Variants in GALNT17 observed in about 807,000 individuals in gnomAD.
GALNT17 encodes the protein polypeptide N-acetylgalactosaminyltransferase 17.
GALNT17 carries 29 observed loss-of-function variants against 63.7 expected under a neutral mutation model. The ratio of observed to expected loss-of-function variants is 0.46; its 90% CI spans 0.34 to 0.62. GALNT17 has a LOEUF of 0.62. Ranked by LOEUF, GALNT17 falls within the 20% of genes least tolerant of loss-of-function variation. The pLI, the probability that GALNT17 is intolerant of heterozygous loss-of-function variation, is 0.01. For missense variants in GALNT17, 603 were observed against 799.6 expected (o/e 0.75, Z 2.97); for synonymous variants, 305 against 318.3 (o/e 0.96, Z 0.45).
At chr7:71,498,651 A>G (rs1171047400) in intron 5 of GALNT17, among the ~76,000 whole-genome samples, 3 of 152,146 alleles carry the variant, frequency 2.0e-5, no homozygotes, top group Admixed American at 6.6e-5. Flanking sequence ...GAGGAGATGA[A>G]CATTTGCCCA....
Position 71,199,717 on chromosome 7 carries a change from G to A in GALNT17, c.238+66677G>A, listed in dbSNP as rs183177381. ...TCCATCCATCCATCCATCCATGTATGTGTCCACCCACCCACCCATGCACTT... is the reference window on the plus strand; with the variant it reads ...TCCATCCATCCATCCATCCATGTATATGTCCACCCACCCACCCATGCACTT... On this transcript the variant is annotated intron_variant, in intron 1 of 10. Transcript: ENST00000333538. 3.2e-4 allele frequency among the ~76,000 whole-genome samples: 41 copies of A among 130,118 alleles called. No individual in the cohort carries two copies. The East Asian group carries it at 9.4e-3, about 30-fold the overall frequency. 85.4% of individuals were successfully genotyped at this position (130,118 alleles called of 152,430 possible). A position where few individuals can be genotyped will look rare whatever the true frequency, so the allele number is the denominator to read the frequency against.
At chr7:71,326,640 AT>A (rs1305894403) in intron 1 of GALNT17, among the ~76,000 whole-genome samples, 1 of 152,180 alleles carries the variant, frequency 6.6e-6, no homozygotes, top group Non-Finnish European at 1.5e-5. Flanking sequence ...ATACTGTAAT[AT>A]TTGTTACTTT....
At chr7:71,166,182 G>A (rs1021626737) in intron 1 of GALNT17, among the ~76,000 whole-genome samples, 3 of 152,180 alleles carry the variant, frequency 2.0e-5, no homozygotes, top group Admixed American at 6.5e-5. Flanking sequence ...GCCTTGTAGC[G>A]CTAAAGGAAA....
intron 4 of GALNT17, among the ~76,000 whole-genome samples, chr7:71,417,439 T>C (rs1045815514): frequency 6.6e-6 from 1 of 152,172 alleles, no homozygotes; most frequent in Non-Finnish European, 1.5e-5. Flanking sequence ...GCTGCATGTC[T>C]TCAGCCCTCA....
chr7:71,646,288 G>A (rs1012798022), intron 6 of GALNT17, among the ~76,000 whole-genome samples: 1 of 152,154 alleles, frequency 6.6e-6, no homozygotes, highest in Non-Finnish European at 1.5e-5. Flanking sequence ...AAAAGAAAAG[G>A]ATGGGATGGA....
chr7:71,270,947 A>AT (rs886892414), intron 1 of GALNT17, among the ~76,000 whole-genome samples: 39 of 151,644 alleles, frequency 2.6e-4, no homozygotes, highest in Non-Finnish European at 8.8e-5. Context: ...AGAGAAAAAA[A>AT]AAAGAAGAAA....
chr7:71,154,803 C>T (rs2079382139), intron 1 of GALNT17, among the ~76,000 whole-genome samples: 1 of 151,784 alleles, frequency 6.6e-6, no homozygotes, highest in African/African-American at 2.4e-5. Flanking sequence ...GTCTCAATCT[C>T]CTGACCTCAT....
chr7:71,506,353 G>A (rs376916526), intron 5 of GALNT17, among the ~76,000 whole-genome samples: 24 of 152,090 alleles, frequency 1.6e-4, no homozygotes, highest in African/African-American at 5.1e-4. Flanking sequence ...TGCAGCCTCC[G>A]CCTTCTGGGT....
chr7:71,478,918 C>G (rs1031683818), intron 5 of GALNT17, among the ~76,000 whole-genome samples: 1 of 152,180 alleles, frequency 6.6e-6, no homozygotes. Context: ...TTTGATAAAT[C>G]CCTTTTCTCT....
intron 1 of GALNT17, among the ~76,000 whole-genome samples, chr7:71,291,234 C>T (rs1790974625): frequency 6.6e-6 from 1 of 152,024 alleles, no homozygotes; most frequent in South Asian, 2.1e-4. Context: ...ACACCTTCTA[C>T]ATCATATATT....
At chr7:71,574,374 T>C (rs1584061521) in intron 6 of GALNT17, among the ~76,000 whole-genome samples, 2 of 152,240 alleles carry the variant, frequency 1.3e-5, no homozygotes, top group East Asian at 3.9e-4. Context: ...TCAGGGTAGG[T>C]CTTTATTAAA....
At chr7:71,358,861 T>C (rs752361122) in intron 2 of GALNT17, among the ~76,000 whole-genome samples, 21 of 151,922 alleles carry the variant, frequency 1.4e-4, no homozygotes, top group Non-Finnish European at 1.3e-4. Flanking sequence ...GCAACCTCTG[T>C]GTCCTGGGTT....
intron 6 of GALNT17, among the ~76,000 whole-genome samples, chr7:71,647,358 C>T (rs1189831472): frequency 1.3e-5 from 2 of 152,046 alleles, no homozygotes; most frequent in Non-Finnish European, 2.9e-5. Context: ...CATAAGCCAC[C>T]ATGCCCAGCC....
At chr7:71,520,836 G>A (rs1788518603) in intron 5 of GALNT17, among the ~76,000 whole-genome samples, 1 of 152,170 alleles carries the variant, frequency 6.6e-6, no homozygotes, top group South Asian at 2.1e-4. Context: ...CCCAGCAAAA[G>A]CACTATCAGG....
intron 5 of GALNT17, among the ~76,000 whole-genome samples, chr7:71,547,120 T>C (rs1311836896): frequency 1.3e-5 from 2 of 151,836 alleles, no homozygotes; most frequent in Admixed American, 1.3e-4. Context: ...GCCTCCTGAG[T>C]AGCTGGAATT....
chr7:71,293,058 G>A (rs1791013489), intron 1 of GALNT17, among the ~76,000 whole-genome samples: 1 of 152,136 alleles, frequency 6.6e-6, no homozygotes, highest in African/African-American at 2.4e-5. Flanking sequence ...CTATTCCATT[G>A]TGTATGTGTG....
At chr7:71,567,736 T>C (rs573038245) in intron 5 of GALNT17, among the ~76,000 whole-genome samples, 1 of 152,316 alleles carries the variant, frequency 6.6e-6, no homozygotes, top group African/African-American at 2.4e-5. Flanking sequence ...GTGCTGGGGT[T>C]ACAGGTGTGA....
At chr7:71,380,412 A>C (rs1792823118) in intron 2 of GALNT17, among the ~76,000 whole-genome samples, 1 of 151,776 alleles carries the variant, frequency 6.6e-6, no homozygotes, top group African/African-American at 2.4e-5. Flanking sequence ...CATGGCCCCC[A>C]GCAGCCTTGA....
At chr7:71,368,967 TAAG>T (rs1305826513) in intron 2 of GALNT17, among the ~76,000 whole-genome samples, 1 of 151,692 alleles carries the variant, frequency 6.6e-6, no homozygotes, top group African/African-American at 2.4e-5. Context: ...TGAGATGAAA[TAAG>T]AATCGGAATT....
Sources: allele counts gnomAD v4.1 joint callset (sites outside exome capture counted in the v4.1 genomes callset), GRCh38; gene constraint gnomAD v4.1.1; transcripts MANE v1.5; gene names NCBI Gene and HGNC (gene_info 2026-07-23, HGNC 2026-07-21).